LRMDA: variants seen among roughly 807,000 people sequenced by gnomAD.
LRMDA encodes leucine-rich melanocyte differentiation-associated protein.
LRMDA carries 18 observed loss-of-function variants against 29.8 expected under a neutral mutation model. The observed-to-expected ratio is 0.60, with a 90% CI of 0.42 to 0.90. The LOEUF is 0.90. LRMDA is among the 40% of genes least tolerant of loss of function. The probability of loss-of-function intolerance (pLI) is 0.00; values close to 1 mark genes in which losing one functional copy is unlikely to be tolerated. For synonymous variants in LRMDA, 125 were observed against 109.4 expected (o/e 1.14, Z -0.89); for missense variants, 273 against 273.9 (o/e 1.00, Z 0.02).
intron 5 of LRMDA, among the ~76,000 whole-genome samples, chr10:76,138,982 T>C (rs144637483): frequency 1.9e-4 from 29 of 152,284 alleles, no homozygotes; most frequent in Middle Eastern, 3.4e-3. Context: ...GTGGATGTCA[T>C]GGAAACTTAT....
At chr10:76,025,392 A>G (rs1848045362) in intron 2 of LRMDA, among the ~76,000 whole-genome samples, 1 of 151,194 alleles carries the variant, frequency 6.6e-6, no homozygotes, top group Admixed American at 6.6e-5. Flanking sequence ...GAAAGGGCTT[A>G]CTACAGCCCT....
chr10:76,294,361 A>G (rs1362315997), intron 5 of LRMDA, among the ~76,000 whole-genome samples: 2 of 152,206 alleles, frequency 1.3e-5, no homozygotes, highest in African/African-American at 4.8e-5. Flanking sequence ...GAAAAGCAAC[A>G]TGGCTCATCT....
chr10:75,555,113 C>T (rs1840198486), intron 2 of LRMDA, among the ~76,000 whole-genome samples: 4 of 151,896 alleles, frequency 2.6e-5, no homozygotes. Flanking sequence ...TTTGGTGGGC[C>T]CTGGGCTGTC....
intron 1 of LRMDA, among the ~76,000 whole-genome samples, chr10:75,434,483 T>C (rs1026532526): frequency 3.3e-5 from 5 of 152,186 alleles, no homozygotes; most frequent in African/African-American, 1.2e-4. Context: ...GACTCGAAGA[T>C]GGTGACTCAT....
intron 5 of LRMDA, among the ~76,000 whole-genome samples, chr10:76,304,962 TG>T (rs1263344320): frequency 6.6e-6 from 1 of 152,110 alleles, no homozygotes; most frequent in African/African-American, 2.4e-5. Flanking sequence ...AGGAAATGGA[TG>T]GTGCTCTTTG....
At chr10:75,884,978 A>G (rs1263222856) in intron 2 of LRMDA, among the ~76,000 whole-genome samples, 1 of 151,594 alleles carries the variant, frequency 6.6e-6, no homozygotes, top group Non-Finnish European at 1.5e-5. Flanking sequence ...ACAGCAGTTC[A>G]GGAGGCCCAG....
intron 4 of LRMDA, among the ~76,000 whole-genome samples, chr10:76,055,063 CAAAAAAAAAAA>C (rs531729040): frequency 2.6e-3 from 120 of 45,900 alleles, no homozygotes; most frequent in Middle Eastern, 0.023. Context: ...GACTCCATCT[CAAAAAAAAAAA>C]AAAAAAAAAA....
At chr10:75,905,161 GT>G (rs1312145592) in intron 2 of LRMDA, among the ~76,000 whole-genome samples, 1 of 151,342 alleles carries the variant, frequency 6.6e-6, no homozygotes, top group Non-Finnish European at 1.5e-5. Flanking sequence ...GAAAATATTT[GT>G]CCCTTTGCTT....
chr10:75,576,434 G>T (rs1334113922), intron 2 of LRMDA, among the ~76,000 whole-genome samples: 1 of 152,224 alleles, frequency 6.6e-6, no homozygotes, highest in Non-Finnish European at 1.5e-5. Context: ...GGGGCAGTTG[G>T]GGGGTGCAGC....
chr10:76,112,262 G>A (rs1265883115), intron 5 of LRMDA, among the ~76,000 whole-genome samples: 3 of 152,226 alleles, frequency 2.0e-5, no homozygotes, highest in Non-Finnish European at 4.4e-5. Flanking sequence ...GAGGCTCTGG[G>A]TGGGGGGTTC....
chr10:76,121,375 A>G (rs1849785499), intron 5 of LRMDA, among the ~76,000 whole-genome samples: 1 of 152,220 alleles, frequency 6.6e-6, no homozygotes. Flanking sequence ...TTGAGGCACC[A>G]TTATGAGAAG....
chr10:75,438,602 C>G, intron 2 of LRMDA, 108 bp downstream of exon 2: 1 of 809,260 alleles, frequency 1.2e-6, no homozygotes, highest in Non-Finnish European at 2.0e-6. Context: ...CATGGGTTGT[C>G]CTTTTATTCA....
intron 2 of LRMDA, among the ~76,000 whole-genome samples, chr10:75,947,391 C>T (rs1846494944): frequency 1.3e-5 from 2 of 152,140 alleles, no homozygotes; most frequent in Non-Finnish European, 2.9e-5. Context: ...TCTGTTTCCC[C>T]ATGCTAGTTC....
At chr10:75,603,132 A>G (rs370874731) in intron 2 of LRMDA, among the ~76,000 whole-genome samples, 19 of 151,898 alleles carry the variant, frequency 1.3e-4, no homozygotes, top group African/African-American at 3.9e-4. Flanking sequence ...AATGGCTTAT[A>G]TATTTCAGGA....
chr10:76,256,780 A>G (rs905361387), intron 5 of LRMDA, among the ~76,000 whole-genome samples: 1 of 152,226 alleles, frequency 6.6e-6, no homozygotes, highest in Non-Finnish European at 1.5e-5. Context: ...CGTATTCTAT[A>G]TGGAGTTACT....
At chr10:76,382,114 A>G (rs1203453816) in intron 6 of LRMDA, among the ~76,000 whole-genome samples, 3 of 152,182 alleles carry the variant, frequency 2.0e-5, no homozygotes, top group African/African-American at 2.4e-5. Flanking sequence ...CTGGGCTAAG[A>G]TTTTAGTTAA....
chr10:76,205,316 G>A lies in LRMDA; in HGVS notation c.517-119085G>A, dbSNP rs532387815. On this transcript the variant is annotated intron_variant, in intron 5 of 6. Transcript: ENST00000611255. ...CTCCATATAAAGAAGGATATATCCT[G>A]GGTTTCGAGGTGGATTCAATTCTTA... Among the ~76,000 whole-genome samples, 17 of 152,276 alleles carry A rather than the reference G, an allele frequency of 1.1e-4. No homozygotes were observed. In the East Asian group the frequency reaches 1.4e-3, roughly 12 times the overall value.
At chr10:76,176,316 T>C (rs1850933748) in intron 5 of LRMDA, among the ~76,000 whole-genome samples, 1 of 152,146 alleles carries the variant, frequency 6.6e-6, no homozygotes, top group Non-Finnish European at 1.5e-5. Context: ...TGAAGTGTTG[T>C]GTACCAAGAA....
At chr10:76,158,319 C>T (rs1387025308) in intron 5 of LRMDA, among the ~76,000 whole-genome samples, 1 of 152,108 alleles carries the variant, frequency 6.6e-6, no homozygotes, top group Non-Finnish European at 1.5e-5. Context: ...TATATAAAAC[C>T]TTCTAAACCA....
Sources: allele counts gnomAD v4.1 joint callset (sites outside exome capture counted in the v4.1 genomes callset), GRCh38; gene constraint gnomAD v4.1.1; transcripts MANE v1.5; gene names NCBI Gene and HGNC (gene_info 2026-07-23, HGNC 2026-07-21).